Variants in CEPT1 observed in about 807,000 individuals in gnomAD.
The protein encoded by CEPT1 is choline/ethanolamine phosphotransferase 1, also known as choline/ethanolaminephosphotransferase 1.
CEPT1 carries 7 observed loss-of-function variants against 42.6 expected under a neutral mutation model. The observed-to-expected ratio is 0.16, with a 90% CI of 0.09 to 0.31. The LOEUF (loss-of-function observed/expected upper bound fraction) is 0.31, where lower values mean the gene tolerates loss of function less well. CEPT1 is among the 10% of genes least tolerant of loss of function. The pLI, the probability that CEPT1 is intolerant of heterozygous loss-of-function variation, is 1.00. For synonymous variants in CEPT1, 171 were observed against 171.9 expected, an observed-to-expected ratio of 0.99 and a Z score of 0.04; for missense variants, 306 against 502.1, an observed-to-expected ratio of 0.61 and a Z score of 3.73.
intron 2 of CEPT1, among the ~76,000 whole-genome samples, chr1:111,153,954 T>C (rs8179267): frequency 6.6e-6 from 1 of 152,126 alleles, no homozygotes; most frequent in African/African-American, 2.4e-5. Context: ...TGTGATTCCA[T>C]ACACATTTTA....
intron 4 of CEPT1, among the ~76,000 whole-genome samples, chr1:111,164,911 G>A (rs754914283): frequency 1.2e-4 from 18 of 151,194 alleles, no homozygotes; most frequent in South Asian, 2.1e-4. Context: ...GTGAGCCACC[G>A]CACCCGGCCT....
intron 1 of CEPT1, among the ~76,000 whole-genome samples, chr1:111,146,307 TCA>T (rs1452615751): frequency 1.3e-5 from 2 of 152,118 alleles, no homozygotes; most frequent in Non-Finnish European, 2.9e-5. Flanking sequence ...TACTTAAAAG[TCA>T]CATGTATATA....
intron 4 of CEPT1, among the ~76,000 whole-genome samples, chr1:111,168,414 A>C (rs1656246373): frequency 6.6e-6 from 1 of 152,056 alleles, no homozygotes. Flanking sequence ...CCCTGAAAAA[A>C]AAAAAGAATT....
chr1:111,142,068 T>C (rs1354990671), intron 1 of CEPT1, among the ~76,000 whole-genome samples: 1 of 152,116 alleles, frequency 6.6e-6, no homozygotes, highest in Admixed American at 6.5e-5. Context: ...TTTTTTTTAA[T>C]GTGATACTTG....
In CEPT1 at chr1:111,147,683, C is replaced by A; in HGVS notation, c.-32C>A. The stretch of plus-strand genomic sequence containing the variant: ...AAAACCTACAAAAGAAGGGAAATTA[C>A]TGTCTTTAAATATTAAAAAAAAACA... On this transcript the variant is annotated 5_prime_UTR_variant, in exon 2 of 9. The change creates a new upstream start codon in the 5' untranslated region. Coordinates refer to ENST00000357172, the MANE Select transcript of CEPT1 (RefSeq NM_006090.5). 1 of 1,475,338 alleles carries A rather than the reference C, an allele frequency of 6.8e-7. No individual in the cohort carries two copies. The highest frequency in any genetic ancestry group is 9.2e-7 in the Non-Finnish European group (1 of 1,090,294). The allele number at this position is 1,475,338 out of a possible 1,614,324, so 91.4% of individuals were successfully genotyped here.
chr1:111,142,140 A>C (rs1465500051), intron 1 of CEPT1, among the ~76,000 whole-genome samples: 3 of 152,190 alleles, frequency 2.0e-5, no homozygotes, highest in African/African-American at 4.8e-5. Flanking sequence ...CATTATCCTC[A>C]GCTGATATAA....
chr1:111,165,250 G>A lies in CEPT1; in HGVS notation c.629+3954G>A, dbSNP rs577924596. Among the ~76,000 whole-genome samples, 640 of 150,840 alleles carry A rather than the reference G, an allele frequency of 4.2e-3. 2 individuals carry two copies. The highest frequency in any genetic ancestry group is 0.017 in the Middle Eastern group (5 of 290). On this transcript the variant is annotated intron_variant, in intron 4 of 8. Coordinates refer to ENST00000357172, the MANE Select transcript of CEPT1 (RefSeq NM_006090.5). ...TTTTTAGTAGAGACAGGGTTTCACC[G>A]TGTTAGCCAGGATGGTCTCCATCTC...
At chr1:111,157,935 A>G (rs1655655653) in intron 2 of CEPT1, among the ~76,000 whole-genome samples, 1 of 152,246 alleles carries the variant, frequency 6.6e-6, no homozygotes, top group African/African-American at 2.4e-5. Flanking sequence ...TTGTGATTAT[A>G]AAAAGTATTT....
intron 4 of CEPT1, among the ~76,000 whole-genome samples, chr1:111,163,755 T>C (rs1433860845): frequency 3.3e-5 from 5 of 151,888 alleles, no homozygotes; most frequent in African/African-American, 1.2e-4. Flanking sequence ...TAAAGACTTA[T>C]TGCAGTTTGT....
intron 1 of CEPT1, among the ~76,000 whole-genome samples, chr1:111,144,495 T>A (rs1468497828): frequency 6.6e-6 from 1 of 152,176 alleles, no homozygotes; most frequent in Non-Finnish European, 1.5e-5. Flanking sequence ...TTTGTCAAAA[T>A]GTAGATGTTT....
At chr1:111,174,530 A>G (rs1656580186) in intron 4 of CEPT1, among the ~76,000 whole-genome samples, 2 of 152,044 alleles carry the variant, frequency 1.3e-5, no homozygotes, top group South Asian at 4.1e-4. Context: ...TAACAGTGCA[A>G]TGTAATCCTC....
chr1:111,164,780 T>C (rs1306510177), intron 4 of CEPT1, among the ~76,000 whole-genome samples: 1 of 151,790 alleles, frequency 6.6e-6, no homozygotes, highest in Non-Finnish European at 1.5e-5. Context: ...GCTGCCACCA[T>C]GCCCAGCTAG....
Position 111,152,284 on chromosome 1 carries a change from A to G in CEPT1, c.339+4231A>G, listed in dbSNP as rs112727061. ...AGAAAATTAAAACGGCACATTGACC[A>G]TAATTTCACTGCCCAGTTAACTTAT... On this transcript the variant is annotated intron_variant, in intron 2 of 8. Coordinates refer to ENST00000357172, the MANE Select transcript of CEPT1 (RefSeq NM_006090.5). Among the ~76,000 whole-genome samples, 488 of 152,176 alleles carry G rather than the reference A, an allele frequency of 3.2e-3. 3 individuals carry two copies. Among genetic ancestry groups the G allele is most frequent in the Middle Eastern group, 0.017 (5 of 294 alleles).
intron 2 of CEPT1, among the ~76,000 whole-genome samples, chr1:111,149,077 T>G (rs1030878048): frequency 6.6e-6 from 1 of 152,184 alleles, no homozygotes; most frequent in African/African-American, 2.4e-5. Flanking sequence ...TCTGTTTTCA[T>G]CAATTTGTCT....
intron 1 of CEPT1, among the ~76,000 whole-genome samples, chr1:111,145,440 T>TA (rs1654906339): frequency 1.3e-5 from 2 of 152,240 alleles, no homozygotes; most frequent in African/African-American, 4.8e-5. Flanking sequence ...AATATTGAGA[T>TA]ACGTGATTGA....
chr1:111,141,696 C>T (rs1250059749), intron 1 of CEPT1, among the ~76,000 whole-genome samples: 1 of 152,214 alleles, frequency 6.6e-6, no homozygotes. Context: ...TTGTGTTACA[C>T]AGCCCTGTTT....
At chr1:111,142,605 A>G (rs898433755) in intron 1 of CEPT1, among the ~76,000 whole-genome samples, 3 of 152,232 alleles carry the variant, frequency 2.0e-5, no homozygotes, top group Non-Finnish European at 4.4e-5. Context: ...TAGTGAGGCA[A>G]GATCTGGTAC....
chr1:111,163,876 ACT>A (rs1263682709), intron 4 of CEPT1, among the ~76,000 whole-genome samples: 1 of 152,192 alleles, frequency 6.6e-6, no homozygotes, highest in African/African-American at 2.4e-5. Flanking sequence ...GCATTTTCTT[ACT>A]GTTTTCTAGA....
chr1:111,163,530 G>C (rs1655979977), intron 4 of CEPT1, among the ~76,000 whole-genome samples: 1 of 151,822 alleles, frequency 6.6e-6, no homozygotes, highest in South Asian at 2.1e-4. Flanking sequence ...TTGCGCCCTG[G>C]AAATAGAGGT....
Sources: gnomAD v4.1 joint callset for allele counts (sites outside exome capture counted in the v4.1 genomes callset) on GRCh38, gnomAD v4.1.1 for gene constraint, MANE v1.5 for transcripts, NCBI Gene and HGNC (gene_info 2026-07-23, HGNC 2026-07-21) for gene names.